Variants in ATP10A observed in about 807,000 individuals in gnomAD.
ATP10A encodes ATPase phospholipid transporting 10A (putative), also known as phospholipid-transporting ATPase VA.
ATP10A carries 111 observed loss-of-function variants against 147.8 expected under a neutral mutation model. The ratio of observed to expected loss-of-function variants is 0.75; its 90% CI spans 0.64 to 0.88. ATP10A has a LOEUF of 0.88. Among genes scored for constraint, ATP10A ranks in the 40% least tolerant of loss-of-function variants. The pLI, the probability that ATP10A is intolerant of heterozygous loss-of-function variation, is 0.00. For missense variants in ATP10A, 1,927 were observed against 1,959.0 expected (o/e 0.98, Z 0.31); for synonymous variants, 875 against 841.6 (o/e 1.04, Z -0.69).
At chr15:25,821,390 CA>C (rs1195379076) in intron 1 of ATP10A, among the ~76,000 whole-genome samples, 1 of 97,680 alleles carries the variant, frequency 1.0e-5, no homozygotes, top group African/African-American at 4.6e-5. Flanking sequence ...GACCCTGTCT[CA>C]AAAAAAACAA....
At chr15:25,687,986 C>T (rs1899794524) in intron 15 of ATP10A, 158 bp from the exon 16 acceptor site, 1 of 881,992 alleles carries the variant, frequency 1.1e-6, no homozygotes, top group Non-Finnish European at 1.8e-6. Context: ...TGTCGTCTCC[C>T]TCAGCATCTC....
At chr15:25,733,888 CAG>C (rs1887108382) in intron 3 of ATP10A, among the ~76,000 whole-genome samples, 1 of 152,246 alleles carries the variant, frequency 6.6e-6, no homozygotes, top group Non-Finnish European at 1.5e-5. Context: ...GAGGACACCA[CAG>C]GAGGAACGCC....
At chr15:25,802,576 G>A (rs1320218431) in intron 1 of ATP10A, among the ~76,000 whole-genome samples, 2 of 152,166 alleles carry the variant, frequency 1.3e-5, no homozygotes, top group Non-Finnish European at 2.9e-5. Context: ...TGTCGGCAGG[G>A]CCACGCTCCT....
intron 1 of ATP10A, among the ~76,000 whole-genome samples, chr15:25,842,067 T>G (rs11629728): frequency 0.95 from 144,645 of 151,816 alleles, 69,049 homozygotes; most frequent in East Asian, 1. Flanking sequence ...CTGTTGCTGT[T>G]GTGTGGGTGG....
intron 2 of ATP10A, among the ~76,000 whole-genome samples, chr15:25,776,290 C>A (rs904448152): frequency 1.3e-5 from 2 of 152,122 alleles, no homozygotes; most frequent in Admixed American, 1.3e-4. Flanking sequence ...ACACCCCACG[C>A]AAAGTGGAGG....
At chr15:25,752,542 A>C (rs1224584903) in intron 2 of ATP10A, among the ~76,000 whole-genome samples, 1 of 151,942 alleles carries the variant, frequency 6.6e-6, no homozygotes, top group Non-Finnish European at 1.5e-5. Context: ...TCTCAGGTAG[A>C]CCACACTGTT....
intron 2 of ATP10A, among the ~76,000 whole-genome samples, chr15:25,770,997 G>T (rs955986625): frequency 1.3e-5 from 2 of 152,180 alleles, no homozygotes; most frequent in South Asian, 4.1e-4. Context: ...GGTAGAGGTC[G>T]TTCAGGGGAG....
intron 2 of ATP10A, among the ~76,000 whole-genome samples, chr15:25,766,248 C>T (rs1314212266): frequency 3.9e-5 from 6 of 152,176 alleles, no homozygotes; most frequent in South Asian, 2.1e-4. Flanking sequence ...GTGGGAATTC[C>T]GGGAGATACA....
intron 1 of ATP10A, among the ~76,000 whole-genome samples, chr15:25,854,879 G>A (rs1421736586): frequency 6.6e-6 from 1 of 152,166 alleles, no homozygotes; most frequent in Non-Finnish European, 1.5e-5. Flanking sequence ...TCAACATGGT[G>A]AAACCCAGTC....
intron 1 of ATP10A, among the ~76,000 whole-genome samples, chr15:25,859,250 G>C (rs933571275): frequency 3.3e-5 from 5 of 152,158 alleles, no homozygotes; most frequent in Admixed American, 3.3e-4. Flanking sequence ...TCTCGGCCCC[G>C]AGGGATGCCC....
At chr15:25,718,720 T>A (rs2014069) in intron 7 of ATP10A, among the ~76,000 whole-genome samples, 2 of 151,914 alleles carry the variant, frequency 1.3e-5, no homozygotes, top group Admixed American at 6.5e-5. Context: ...TAGGTGTACA[T>A]GGGGTAGGGT....
At chr15:25,832,011 A>G (rs1056806258) in intron 1 of ATP10A, among the ~76,000 whole-genome samples, 1 of 152,182 alleles carries the variant, frequency 6.6e-6, no homozygotes, top group East Asian at 1.9e-4. Context: ...ATACTGGAGT[A>G]TGGCGGGCCC....
intron 3 of ATP10A, among the ~76,000 whole-genome samples, chr15:25,733,123 A>T (rs903174534): frequency 6.6e-6 from 1 of 152,164 alleles, no homozygotes; most frequent in Non-Finnish European, 1.5e-5. Context: ...GCAGGTCCTA[A>T]AAGAAGCAAA....
chr15:25,696,604 G>A (rs1900354671), intron 13 of ATP10A, among the ~76,000 whole-genome samples: 2 of 152,198 alleles, frequency 1.3e-5, no homozygotes, highest in African/African-American at 4.8e-5. Flanking sequence ...GGAGACAAGT[G>A]TGCTAAGGAC....
At chr15:25,693,130 TC>T (rs1900125633) in intron 14 of ATP10A, among the ~76,000 whole-genome samples, 1 of 152,092 alleles carries the variant, frequency 6.6e-6, no homozygotes, top group African/African-American at 2.4e-5. Context: ...CAGGTGAGCC[TC>T]CCACCTCAGC....
chr15:25,720,893 T>C (rs1012014482), intron 7 of ATP10A, among the ~76,000 whole-genome samples: 4 of 152,188 alleles, frequency 2.6e-5, no homozygotes, highest in African/African-American at 4.8e-5. Context: ...CCCGCTTGCG[T>C]TCCCTCTGTC....
intron 1 of ATP10A, among the ~76,000 whole-genome samples, chr15:25,781,659 A>C (rs1331732631): frequency 6.7e-6 from 1 of 149,922 alleles, no homozygotes; most frequent in African/African-American, 2.4e-5. Flanking sequence ...CGTCTCAAAA[A>C]AAAAGAAGGA....
chr15:25,822,150 TGAC>T (rs1333478002), intron 1 of ATP10A, among the ~76,000 whole-genome samples: 1 of 152,180 alleles, frequency 6.6e-6, no homozygotes, highest in Non-Finnish European at 1.5e-5. Context: ...GTTTAGAGAA[TGAC>T]GACAAGAAAA....
chr15:25,769,486 CAAAAAAAAAAAAAA>C (rs58272964), intron 2 of ATP10A, among the ~76,000 whole-genome samples: 91 of 54,824 alleles, frequency 1.7e-3, no homozygotes, highest in African/African-American at 6.1e-3. Context: ...GACTCTGTCT[CAAAAAAAAAAAAAA>C]AAAAAAAAAA....
Sources: gnomAD v4.1 joint callset for allele counts (sites outside exome capture counted in the v4.1 genomes callset) on GRCh38, gnomAD v4.1.1 for gene constraint, MANE v1.5 for transcripts, NCBI Gene and HGNC (gene_info 2026-07-23, HGNC 2026-07-21) for gene names.